The following TMEM45B variants were observed in gnomAD, a reference collection of about 807,000 sequenced individuals.
TMEM45B encodes the protein transmembrane protein 45B.
A neutral mutation model predicts 27.3 loss-of-function variants in TMEM45B; 29 were observed. The ratio of observed to expected loss-of-function variants is 1.06; its 90% CI spans 0.79 to 1.45. TMEM45B has a LOEUF of 1.45. TMEM45B is among the 40% of genes most tolerant of loss of function. TMEM45B has a pLI of 0.00. For missense variants in TMEM45B, 348 were observed against 343.9 expected (o/e 1.01, Z -0.09); for synonymous variants, 143 against 134.7 (o/e 1.06, Z -0.43).
chr11:129,842,280 G>A (rs478290), intron 1 of TMEM45B, among the ~76,000 whole-genome samples: 92,085 of 152,096 alleles, frequency 0.61, 27,949 homozygotes, highest in Admixed American at 0.68. Context: ...TTTGATGAAA[G>A]ATATTGAATT....
intron 1 of TMEM45B, among the ~76,000 whole-genome samples, chr11:129,821,870 G>C (rs911086771): frequency 1.9e-4 from 29 of 151,802 alleles, no homozygotes; most frequent in African/African-American, 7.0e-4. Flanking sequence ...GCGGGGTGGG[G>C]GGAATACAGG....
intron 2 of TMEM45B, among the ~76,000 whole-genome samples, chr11:129,853,685 C>T (rs1022367061): frequency 6.6e-6 from 1 of 151,752 alleles, no homozygotes; most frequent in Non-Finnish European, 1.5e-5. Flanking sequence ...ATAGGAGATA[C>T]ACTGGGGAAC....
chr11:129,824,908 G>A (rs192112527), intron 1 of TMEM45B, among the ~76,000 whole-genome samples: 172 of 152,232 alleles, frequency 1.1e-3, no homozygotes, highest in African/African-American at 2.8e-3. Flanking sequence ...TGAAAAGGAC[G>A]TGCAATTTAG....
chr11:129,847,126 G>C (rs1247222799), intron 1 of TMEM45B, among the ~76,000 whole-genome samples: 1 of 152,224 alleles, frequency 6.6e-6, no homozygotes, highest in South Asian at 2.1e-4. Context: ...GCTCCAGGAA[G>C]TTGGTAGGTG....
intron 2 of TMEM45B, among the ~76,000 whole-genome samples, chr11:129,853,605 G>A (rs1003424898): frequency 3.3e-5 from 5 of 152,144 alleles, no homozygotes; most frequent in Non-Finnish European, 7.3e-5. Flanking sequence ...CCCTTGACTG[G>A]GTGAAAATGG....
In TMEM45B at chr11:129,858,761, T is replaced by C; in HGVS notation, c.*76T>C. 1.8e-6 allele frequency: 2 copies of C among 1,083,692 alleles called. No homozygotes were observed. The highest frequency in any genetic ancestry group is 1.4e-5 in the South Asian group (1 of 70,790). The allele number at this position is 1,083,692 out of a possible 1,614,324, so 67.1% of individuals were successfully genotyped here. A position where few individuals can be genotyped will look rare whatever the true frequency, so the allele number is the denominator to read the frequency against. Reference sequence around the variant, plus strand: ...AGTTCATCCCCTCCACCTGAATGCCTGCTGTGGTCTGATCTTAAGGGTCTA... The same window carrying C: ...AGTTCATCCCCTCCACCTGAATGCCCGCTGTGGTCTGATCTTAAGGGTCTA... On this transcript the variant is annotated 3_prime_UTR_variant, in exon 6 of 6. Transcript: ENST00000281441.
Position 129,854,626 on chromosome 11 carries a change from G to T in TMEM45B, c.195G>T (p.Gln65His). 6.2e-7 allele frequency: 1 copy of T among 1,614,236 alleles called. No individual in the cohort carries two copies. The highest frequency in any genetic ancestry group is 8.5e-7 in the Non-Finnish European group (1 of 1,180,032). The change falls in exon 3 of 6, where the codon CAG (glutamine) becomes CAT (histidine). Residue 65 changes from glutamine (Q) to histidine (H), a missense_variant. Physicochemically the swap from Gln to His is conservative, Grantham distance 24. Transcript: ENST00000281441. ...TCCCTGCAGGGATCCTGGCAGAGCA[G>T]TTTGTTCCGGATGGGCCCCACCTGC... ...LFSVTGILAE[Q>H]FVPDGPHLHL...
chr11:129,841,595 T>G (rs1192148228), intron 1 of TMEM45B, among the ~76,000 whole-genome samples: 5 of 146,042 alleles, frequency 3.4e-5, no homozygotes, highest in Non-Finnish European at 6.1e-5. Context: ...TTTTTTTGTT[T>G]TTTTTTTTTT....
intron 4 of TMEM45B, 132 bp downstream of exon 4, chr11:129,856,024 A>T (rs1314069410): frequency 9.3e-7 from 1 of 1,078,450 alleles, no homozygotes; most frequent in Non-Finnish European, 1.3e-6. Flanking sequence ...AGGGGTTTAG[A>T]TGACCCTTTT....
intron 2 of TMEM45B, 119 bp from the exon 3 acceptor site, chr11:129,854,491 C>T (rs1008705712): frequency 4.1e-6 from 4 of 966,404 alleles, no homozygotes; most frequent in South Asian, 1.5e-5. Flanking sequence ...TCTGCTGACC[C>T]GCGGGCCACC....
intron 1 of TMEM45B, among the ~76,000 whole-genome samples, chr11:129,828,418 C>T (rs1050751900): frequency 1.3e-5 from 2 of 152,126 alleles, no homozygotes; most frequent in East Asian, 1.9e-4. Flanking sequence ...ATTCTAAAGA[C>T]GGGGATAGAC....
chr11:129,843,605 GA>G lies in TMEM45B; in HGVS notation c.-8-8856del, dbSNP rs148673798. ...GTAGGCAATAAATTTTCTGCTTTGA[GA>G]AAAAAAAAAAAAAGTGGGCAAAGGA... On this transcript the variant is annotated intron_variant, in intron 1 of 5. Transcript: ENST00000281441. Among the ~76,000 whole-genome samples the G allele has an allele frequency of 9.8e-3, 1,347 of 137,016 alleles. 13 individuals carry two copies. The highest frequency in any genetic ancestry group is 0.032 in the African/African-American group (1,158 of 36,474). The allele number at this position is 137,016 out of a possible 152,430, so 89.9% of individuals were successfully genotyped here. A position where few individuals can be genotyped will look rare whatever the true frequency, so the allele number is the denominator to read the frequency against.
intron 1 of TMEM45B, among the ~76,000 whole-genome samples, chr11:129,841,380 G>A (rs1449972444): frequency 6.6e-6 from 1 of 152,148 alleles, no homozygotes; most frequent in Non-Finnish European, 1.5e-5. Context: ...GAATTTAACA[G>A]GGGGATTCTG....
chr11:129,834,409 C>T (rs1323838529), intron 1 of TMEM45B, among the ~76,000 whole-genome samples: 5 of 146,178 alleles, frequency 3.4e-5, no homozygotes, highest in East Asian at 2.1e-4. Context: ...CCAGCCTCGG[C>T]AATAGAGCGA....
chr11:129,828,138 T>C (rs1247506440), intron 1 of TMEM45B: 3 of 152,220 alleles, frequency 2.0e-5, no homozygotes, highest in Non-Finnish European at 4.4e-5. Flanking sequence ...CATTGTATTA[T>C]TTCCTTAGCA....
At chr11:129,837,585 C>CTTTGTTTTTTTTTT (rs1947637011) in intron 1 of TMEM45B, among the ~76,000 whole-genome samples, 1 of 80,294 alleles carries the variant, frequency 1.2e-5, no homozygotes, top group Admixed American at 1.7e-4. Context: ...CTGCACTGGG[C>CTTTGTTTTTTTTTT]TTTTTTTTTT....
At chr11:129,848,271 G>A (rs1446577768) in intron 1 of TMEM45B, among the ~76,000 whole-genome samples, 1 of 152,210 alleles carries the variant, frequency 6.6e-6, no homozygotes, top group African/African-American at 2.4e-5. Flanking sequence ...GGCACCTCGG[G>A]AGGCCGAGGC....
intron 1 of TMEM45B, among the ~76,000 whole-genome samples, chr11:129,843,430 A>G (rs1416605819): frequency 6.6e-6 from 1 of 152,226 alleles, no homozygotes; most frequent in Non-Finnish European, 1.5e-5. Flanking sequence ...TCTAATGTAT[A>G]CAATGCCAAT....
chr11:129,822,813 A>C (rs1204384386), intron 1 of TMEM45B, among the ~76,000 whole-genome samples: 1 of 151,604 alleles, frequency 6.6e-6, no homozygotes, highest in African/African-American at 2.4e-5. Context: ...CATTTGCAAA[A>C]TATGGATTAT....
Sources: allele counts gnomAD v4.1 joint callset (sites outside exome capture counted in the v4.1 genomes callset), GRCh38; gene constraint gnomAD v4.1.1; transcripts MANE v1.5; gene names NCBI Gene and HGNC (gene_info 2026-07-23, HGNC 2026-07-21).